Variants in LRRC3B observed in about 807,000 individuals in gnomAD.
The protein encoded by LRRC3B is leucine-rich repeat-containing protein 3B.
In LRRC3B, 2 loss-of-function variants were observed where a neutral mutation model predicts 12.8. The ratio of observed to expected loss-of-function variants is 0.16; its 90% CI spans 0.06 to 0.49. The LOEUF (loss-of-function observed/expected upper bound fraction) is 0.49. Ranked by LOEUF, LRRC3B falls within the 20% of genes least tolerant of loss-of-function variation. LRRC3B has a pLI of 0.96. For synonymous variants in LRRC3B, 132 were observed against 122.0 expected, an observed-to-expected ratio of 1.08 and a Z score of -0.54; for missense variants, 189 against 319.4, an observed-to-expected ratio of 0.59 and a Z score of 3.11.
In LRRC3B at chr3:26,642,875, G is replaced by T. The variant is rs146537989; in HGVS notation, c.-161+19638G>T. 6.3e-3 allele frequency among the ~76,000 whole-genome samples: 960 copies of T among 152,124 alleles called. 9 individuals carry two copies. The highest frequency in any genetic ancestry group is 0.011 in the Non-Finnish European group (755 of 67,998). ...CTACTAAAAATACAAAAATTAGCTG[G>T]GTGTGGTGGTGTGTTCCTGTAATCC... On this transcript the variant is annotated intron_variant, in intron 1 of 1. Transcript: ENST00000396641.
intron 1 of LRRC3B, among the ~76,000 whole-genome samples, chr3:26,678,352 G>A (rs1303563446): frequency 1.3e-5 from 2 of 152,042 alleles, no homozygotes; most frequent in Non-Finnish European, 2.9e-5. Context: ...AAATTAGCTG[G>A]GTGTGGTGGC....
intron 1 of LRRC3B, among the ~76,000 whole-genome samples, chr3:26,700,367 A>G (rs1389522849): frequency 6.6e-6 from 1 of 152,154 alleles, no homozygotes; most frequent in Non-Finnish European, 1.5e-5. Context: ...GAAAAGAGAT[A>G]TAGAAACCAA....
chr3:26,677,788 TTTTG>T (rs144509658), intron 1 of LRRC3B, among the ~76,000 whole-genome samples: 73,835 of 150,298 alleles, frequency 0.49, 21,134 homozygotes, highest in African/African-American at 0.78. Flanking sequence ...CTGTTTTGCC[TTTTG>T]TTTGTTTGTT....
At chr3:26,629,421 A>G (rs1403533864) in intron 1 of LRRC3B, among the ~76,000 whole-genome samples, 1 of 152,246 alleles carries the variant, frequency 6.6e-6, no homozygotes, top group Non-Finnish European at 1.5e-5. Flanking sequence ...CACAAAGGTC[A>G]TGAGGTCTCA....
At chr3:26,677,863 C>A (rs746545351) in intron 1 of LRRC3B, among the ~76,000 whole-genome samples, 1 of 152,066 alleles carries the variant, frequency 6.6e-6, no homozygotes, top group African/African-American at 2.4e-5. Context: ...TGCTGTGGTG[C>A]GATCATGGCT....
At chr3:26,706,446 C>A (rs1414733954) in intron 1 of LRRC3B, among the ~76,000 whole-genome samples, 2 of 152,136 alleles carry the variant, frequency 1.3e-5, no homozygotes, top group East Asian at 3.8e-4. Flanking sequence ...AAATTTTATT[C>A]TCTTTTTATC....
chr3:26,657,845 G>T (rs6790960), intron 1 of LRRC3B, among the ~76,000 whole-genome samples: 2,110 of 152,228 alleles, frequency 0.014, 56 homozygotes, highest in African/African-American at 0.049. Context: ...AATGTGAAAT[G>T]AGATGACTCA....
At chr3:26,666,475 A>G (rs192743628) in intron 1 of LRRC3B, among the ~76,000 whole-genome samples, 87 of 152,242 alleles carry the variant, frequency 5.7e-4, no homozygotes, top group Non-Finnish European at 1.1e-3. Context: ...GATCTCTACT[A>G]CAAGCTCAGG....
At chr3:26,636,940 T>C (rs1036811718) in intron 1 of LRRC3B, among the ~76,000 whole-genome samples, 10 of 110,612 alleles carry the variant, frequency 9.0e-5, no homozygotes, top group South Asian at 3.2e-4. Flanking sequence ...CTTTCTTTCT[T>C]TCTTTCTTTC....
chr3:26,660,564 T>A (rs1699472197), intron 1 of LRRC3B, among the ~76,000 whole-genome samples: 1 of 152,148 alleles, frequency 6.6e-6, no homozygotes, highest in African/African-American at 2.4e-5. Flanking sequence ...TAGGGTTCAT[T>A]TAGGTTTTTG....
intron 1 of LRRC3B, among the ~76,000 whole-genome samples, chr3:26,684,609 TGGCAGAA>T (rs1226807922): frequency 7.2e-5 from 11 of 152,156 alleles, no homozygotes; most frequent in Non-Finnish European, 1.3e-4. Flanking sequence ...CACCACCACA[TGGCAGAA>T]GGCAGAAGGG....
At chr3:26,682,946 A>C (rs533280480) in intron 1 of LRRC3B, among the ~76,000 whole-genome samples, 1 of 152,340 alleles carries the variant, frequency 6.6e-6, no homozygotes, top group East Asian at 1.9e-4. Flanking sequence ...TTTCTCTCAC[A>C]GGCATTCTGC....
intron 1 of LRRC3B, among the ~76,000 whole-genome samples, chr3:26,677,882 C>G (rs1319500471): frequency 6.6e-6 from 1 of 152,090 alleles, no homozygotes; most frequent in Admixed American, 6.5e-5. Flanking sequence ...CTCACTGCAG[C>G]CTTGACCTCC....
intron 1 of LRRC3B, among the ~76,000 whole-genome samples, chr3:26,653,399 T>C (rs1559356006): frequency 6.6e-6 from 1 of 152,162 alleles, no homozygotes; most frequent in Non-Finnish European, 1.5e-5. Flanking sequence ...ATTTGAAATA[T>C]TCTCAAAGAT....
intron 1 of LRRC3B, among the ~76,000 whole-genome samples, chr3:26,691,105 G>GTGTGTATATATATATATATA (rs372629683): frequency 9.9e-4 from 84 of 84,816 alleles, no homozygotes; most frequent in Middle Eastern, 0.02. Context: ...GTGTGTGTGT[G>GTGTGTATATATATATATATA]TATATATATA....
At chr3:26,637,080 T>C (rs1407859272) in intron 1 of LRRC3B, among the ~76,000 whole-genome samples, 1 of 150,682 alleles carries the variant, frequency 6.6e-6, no homozygotes, top group Non-Finnish European at 1.5e-5. Context: ...CACTGCAACC[T>C]CCGCCTCTCG....
intron 1 of LRRC3B, among the ~76,000 whole-genome samples, chr3:26,626,098 C>CA (rs1698619093): frequency 6.6e-6 from 1 of 152,172 alleles, no homozygotes; most frequent in Admixed American, 6.5e-5. Context: ...AAGTGCCAGT[C>CA]CTGGCCTGTG....
At chr3:26,656,173 C>G (rs534042803) in intron 1 of LRRC3B, among the ~76,000 whole-genome samples, 1 of 151,596 alleles carries the variant, frequency 6.6e-6, no homozygotes, top group African/African-American at 2.4e-5. Context: ...GCTGCTGCTG[C>G]CACTGCCACT....
At chr3:26,695,130 A>T (rs1041579263) in intron 1 of LRRC3B, among the ~76,000 whole-genome samples, 21 of 152,280 alleles carry the variant, frequency 1.4e-4, no homozygotes, top group African/African-American at 4.8e-4. Context: ...TGTATTTGAC[A>T]ACTTTTTATC....
Sources: allele counts gnomAD v4.1 joint callset (sites outside exome capture counted in the v4.1 genomes callset), GRCh38; gene constraint gnomAD v4.1.1; transcripts MANE v1.5; gene names NCBI Gene and HGNC (gene_info 2026-07-23, HGNC 2026-07-21).